MYO1H: variants seen among roughly 807,000 people sequenced by gnomAD.
MYO1H encodes the protein unconventional myosin-Ih.
Under a neutral mutation model 149.3 loss-of-function variants are expected in MYO1H, and 118 were observed. The ratio of observed to expected loss-of-function variants is 0.79; its 90% CI spans 0.68 to 0.92. MYO1H has a LOEUF of 0.92. Ranked by LOEUF, MYO1H falls within the 40% of genes least tolerant of loss-of-function variation. The probability of loss-of-function intolerance (pLI) is 0.00; values close to 1 mark genes in which losing one functional copy is unlikely to be tolerated. For missense variants in MYO1H, 1,212 were observed against 1,280.7 expected, an observed-to-expected ratio of 0.95 and a Z score of 0.82; for synonymous variants, 447 against 465.2, an observed-to-expected ratio of 0.96 and a Z score of 0.50.
intron 1 of MYO1H, among the ~76,000 whole-genome samples, chr12:109,348,543 A>AT (rs775876342): frequency 7.5e-4 from 114 of 152,328 alleles, no homozygotes; most frequent in Admixed American, 1.4e-3. Context: ...TTTCCTTTTA[A>AT]ATGCGATAAG....
the MYO1H span, among the ~76,000 whole-genome samples, chr12:109,333,778 GT>G: frequency 6.6e-6 from 1 of 152,126 alleles, no homozygotes; most frequent in Non-Finnish European, 1.5e-5. Context: ...AAAATATCAA[GT>G]GGAAAATGCA....
intron 27 of MYO1H, 119 bp from the exon 28 acceptor site, chr12:109,443,377 CACACACACACACACACAT>C: frequency 1.3e-6 from 1 of 797,446 alleles, no homozygotes; most frequent in Non-Finnish European, 2.0e-6. Context: ...CACACACACA[CACACACACACACACACAT>C]ACACGCAAAA....
At chr12:109,405,700 C>T (rs1051911560) in intron 7 of MYO1H, among the ~76,000 whole-genome samples, 2 of 152,150 alleles carry the variant, frequency 1.3e-5, no homozygotes, top group African/African-American at 4.8e-5. Flanking sequence ...TCCTGCTGGA[C>T]ACTGAATGAG....
At chr12:109,340,679 C>T in the MYO1H span, among the ~76,000 whole-genome samples, 2 of 151,844 alleles carry the variant, frequency 1.3e-5, no homozygotes, top group Admixed American at 1.3e-4. Flanking sequence ...ATGGATTAGT[C>T]TTTTTAAATT....
intron 1 of MYO1H, among the ~76,000 whole-genome samples, chr12:109,386,655 C>CTA (rs1463303115): frequency 6.6e-6 from 1 of 152,164 alleles, no homozygotes; most frequent in Non-Finnish European, 1.5e-5. Context: ...TGTGAAGTGT[C>CTA]TATTCAAGTC....
In MYO1H at chr12:109,347,928, A is replaced by T. The variant is rs1040816713; in HGVS notation, c.-33A>T. On this transcript the variant is annotated 5_prime_UTR_variant, in exon 1 of 32. The change abolishes the stop of an existing upstream ORF in the 5' untranslated region. Coordinates refer to ENST00000310903, the Ensembl canonical transcript of MYO1H. ...AACTTTTGAATGGCTCAAGAGGAAT[A>T]GTTGTTAACAACCTGCTCTCCCTCT... 1.3e-5 allele frequency: 5 copies of T among 398,922 alleles called. No homozygotes were observed. Among genetic ancestry groups the T allele is most frequent in the African/African-American group, 1.0e-4 (5 of 48,628 alleles). The allele number at this position is 398,922 out of a possible 1,614,324, so 24.7% of individuals were successfully genotyped here.
chr12:109,332,885 G>T, the MYO1H span, among the ~76,000 whole-genome samples: 1 of 152,150 alleles, frequency 6.6e-6, no homozygotes, highest in South Asian at 2.1e-4. Context: ...GCCCAGCCTG[G>T]TGCAGATCTT....
rs769999137 is a variant in MYO1H, at chr12:109,396,548, GT to G, written c.456del (p.Asp153ThrfsTer42). 62 of 1,613,558 alleles carry G rather than the reference GT, an allele frequency of 3.8e-5. No individual in the cohort carries two copies. In the South Asian group the frequency reaches 5.5e-4, roughly 14 times the overall value. On this transcript the variant is annotated frameshift_variant, in exon 4 of 32. Coordinates refer to ENST00000310903, the Ensembl canonical transcript of MYO1H. LOFTEE classifies it high-confidence loss of function. Reference sequence around the variant, plus strand: ...ATGACCCAGTCACTACAAATAGCCCGTGACAGACTGCTGTTCTCCAACCCAG... The same window carrying G: ...ATGACCCAGTCACTACAAATAGCCCGGACAGACTGCTGTTCTCCAACCCAG...
At chr12:109,343,111 T>G (rs2048092030), upstream of MYO1H, among the ~76,000 whole-genome samples, 1 of 152,074 alleles carries the variant, frequency 6.6e-6, no homozygotes, top group Admixed American at 6.5e-5. Flanking sequence ...AAAAATTGCA[T>G]TTAGCTATCA....
exon 23 of MYO1H, chr12:109,438,617 G>T: frequency 1.2e-6 from 2 of 1,610,382 alleles, no homozygotes; most frequent in African/African-American, 2.7e-5. Context: ...CGGATTATCA[G>T]AAAGTAAGTT....
chr12:109,327,377 C>T, the MYO1H span, among the ~76,000 whole-genome samples: 61 of 151,522 alleles, frequency 4.0e-4, no homozygotes, highest in African/African-American at 1.4e-3. Context: ...TTGTGATCCA[C>T]CCGCCTCGGC....
chr12:109,407,687 G>A (rs1200974507), intron 9 of MYO1H, 107 bp from the exon 10 acceptor site: 4 of 1,250,538 alleles, frequency 3.2e-6, no homozygotes, highest in East Asian at 5.2e-5. Context: ...AGCAGAGCGA[G>A]ACCCTGTCTC....
intron 7 of MYO1H, among the ~76,000 whole-genome samples, chr12:109,404,810 G>A (rs4766594): frequency 0.25 from 37,342 of 149,176 alleles, 5,542 homozygotes; most frequent in East Asian, 0.4. Context: ...AGAACAAATT[G>A]TAGAATTTAT....
At chr12:109,432,901 A>C (rs1164103695) in exon 20 of MYO1H, 1 of 1,613,910 alleles carries the variant, frequency 6.2e-7, no homozygotes, top group Non-Finnish European at 8.5e-7. Flanking sequence ...TCCTAGGTAC[A>C]AGTCCTTATG....
chr12:109,372,875 T>C lies in MYO1H; in HGVS notation c.13-15808T>C, dbSNP rs1465748922. ...ATTAATAACTATATGATATTGAATCTCCCTATCCAAGAACATAGTATATCT... is the reference window on the plus strand; with the variant it reads ...ATTAATAACTATATGATATTGAATCCCCCTATCCAAGAACATAGTATATCT... On this transcript the variant is annotated intron_variant, in intron 1 of 31. Transcript: ENST00000310903. 2.6e-5 allele frequency among the ~76,000 whole-genome samples: 4 copies of C among 152,104 alleles called. No homozygotes were observed. The East Asian group carries it at 7.7e-4, about 29-fold the overall frequency.
At chr12:109,393,577 G>GCCCA in intron 3 of MYO1H, 131 bp downstream of exon 3, 2 of 232,564 alleles carry the variant, frequency 8.6e-6, no homozygotes, top group Non-Finnish European at 1.5e-5. Context: ...CCATCCATCC[G>GCCCA]CCCACCCATC....
rs144616368 is a variant in MYO1H at position 109,427,113 on chromosome 12, C to T, written c.1832-356C>T. Among the ~76,000 whole-genome samples the T allele has an allele frequency of 8.7e-3, 1,329 of 151,978 alleles. 21 individuals are homozygous for T. The highest frequency in any genetic ancestry group is 0.03 in the African/African-American group (1,261 of 41,426). On this transcript the variant is annotated intron_variant, in intron 18 of 31. Transcript: ENST00000310903. Reference sequence around the variant, plus strand: ...GGTGGATCACCTAAGGTCAAGAGTTCGAGACCAGCCTGGCCAACACGGTGA... The same window carrying T: ...GGTGGATCACCTAAGGTCAAGAGTTTGAGACCAGCCTGGCCAACACGGTGA...
chr12:109,326,912 G>T, the MYO1H span, among the ~76,000 whole-genome samples: 1 of 151,942 alleles, frequency 6.6e-6, no homozygotes, highest in Non-Finnish European at 1.5e-5. Context: ...AATCTATTCT[G>T]CCAAACTTAT....
chr12:109,323,773 G>A, the MYO1H span, among the ~76,000 whole-genome samples: 3 of 152,110 alleles, frequency 2.0e-5, no homozygotes, highest in South Asian at 2.1e-4. Context: ...AGTTAAGAAC[G>A]TCTATTCCTT....
Sources: gnomAD v4.1 joint callset for allele counts (sites outside exome capture counted in the v4.1 genomes callset) on GRCh38, gnomAD v4.1.1 for gene constraint, MANE v1.5 for transcripts, NCBI Gene and HGNC (gene_info 2026-07-23, HGNC 2026-07-21) for gene names.